The following ITSN2 variants were observed in gnomAD, a reference collection of about 807,000 sequenced individuals.
ITSN2 encodes intersectin-2.
ITSN2 carries 156 observed loss-of-function variants against 243.7 expected under a neutral mutation model. The observed-to-expected ratio is 0.64, with a 90% CI of 0.56 to 0.73. ITSN2 has a LOEUF of 0.73. Ranked by LOEUF, ITSN2 falls within the 30% of genes least tolerant of loss-of-function variation. The pLI, the probability that ITSN2 is intolerant of heterozygous loss-of-function variation, is 0.00. For missense variants in ITSN2, 1,801 were observed against 1,996.1 expected (o/e 0.90, Z 1.86); for synonymous variants, 703 against 699.9 (o/e 1.00, Z -0.07).
chr2:24,261,061 A>G, intron 22 of ITSN2, 45 bp downstream of exon 22: 2 of 1,556,840 alleles, frequency 1.3e-6, no homozygotes, highest in Non-Finnish European at 1.8e-6. Flanking sequence ...TTTAATCAGG[A>G]GCAAATTCAA....
Position 24,303,828 on chromosome 2 carries a change from A to G in ITSN2, c.828T>C (p.Asn276=). 6.2e-7 allele frequency: 1 copy of G among 1,610,914 alleles called. No individual in the cohort carries two copies. Among genetic ancestry groups the G allele is most frequent in the Non-Finnish European group, 8.5e-7 (1 of 1,177,052 alleles). Reference sequence around the variant, plus strand: ...TAGTAGCCAGCTGAGTTTGAGAAAGATTTGACTGAAGAAGGGCATTTCTAG... The same window carrying G: ...TAGTAGCCAGCTGAGTTTGAGAAAGGTTTGACTGAAGAAGGGCATTTCTAG... The part of the protein sequence containing the change: ...FQARNALLQS[N]LSQTQLATIW... Residue 276 remains asparagine (N), a synonymous_variant, in exon 9 of 40, where the codon AAT becomes AAC. Transcript: ENST00000355123.
chr2:24,283,218 A>ATT (rs1574140820), intron 17 of ITSN2, among the ~76,000 whole-genome samples: 1 of 150,782 alleles, frequency 6.6e-6, no homozygotes, highest in Non-Finnish European at 1.5e-5. Context: ...TTCAATGGAT[A>ATT]TTTTTCTTTT....
intron 22 of ITSN2, among the ~76,000 whole-genome samples, chr2:24,260,029 T>C (rs978309493): frequency 6.6e-6 from 1 of 152,126 alleles, no homozygotes; most frequent in African/African-American, 2.4e-5. Flanking sequence ...AAAGTGATCC[T>C]CCCACCTCAA....
chr2:24,306,582 T>C (rs1397467604), intron 8 of ITSN2, among the ~76,000 whole-genome samples: 1 of 152,230 alleles, frequency 6.6e-6, no homozygotes, highest in African/African-American at 2.4e-5. Flanking sequence ...AAATATACTG[T>C]CATTTATCTA....
intron 23 of ITSN2, among the ~76,000 whole-genome samples, chr2:24,254,751 A>G (rs754651836): frequency 6.6e-6 from 1 of 152,236 alleles, no homozygotes; most frequent in Non-Finnish European, 1.5e-5. Context: ...GTAAGCACAT[A>G]TAGGGCTTAG....
In ITSN2 at chr2:24,325,246, C is replaced by CA. The variant is rs566084583; in HGVS notation, c.31+2805dup. ...CAAGATAGTGAGACCCCCATGTCTA[C>CA]AAAAAATCTAAAAATTAGCTGGGTG... is the stretch of plus-strand genomic sequence containing the variant. On this transcript the variant is annotated intron_variant, in intron 2 of 39. Coordinates refer to ENST00000355123, the MANE Select transcript of ITSN2 (RefSeq NM_006277.3). Among the ~76,000 whole-genome samples, 93 of 151,872 alleles carry CA rather than the reference C, an allele frequency of 6.1e-4. 2 individuals are homozygous for CA. In the East Asian group the frequency reaches 0.016, roughly 27 times the overall value.
At chr2:24,206,644 C>G (rs12472142) in intron 37 of ITSN2, among the ~76,000 whole-genome samples, 86,665 of 151,816 alleles carry the variant, frequency 0.57, 25,015 homozygotes, top group Admixed American at 0.68. Flanking sequence ...GCCATGAACA[C>G]AGAGGACATC....
Position 24,203,792 on chromosome 2 carries a change from T to A in ITSN2, c.4937-9A>T, listed in dbSNP as rs1200819620. 1 of 1,611,906 alleles carries A rather than the reference T, an allele frequency of 6.2e-7. No homozygotes were observed. ...AGTACGACCCAGGAAATCTGGTGAA[T>A]AAACACAGGAGAGTCAGAAGTCTTT... is the stretch of plus-strand genomic sequence containing the variant. On this transcript the variant is annotated splice_polypyrimidine_tract_variant and intron_variant, in intron 39 of 39. Coordinates refer to ENST00000355123, the MANE Select transcript of ITSN2 (RefSeq NM_006277.3).
intron 23 of ITSN2, among the ~76,000 whole-genome samples, chr2:24,257,338 G>C (rs1025505852): frequency 6.6e-6 from 1 of 151,874 alleles, no homozygotes; most frequent in African/African-American, 2.4e-5. Flanking sequence ...AAAAGCAACA[G>C]ATCTATAATT....
At chr2:24,261,505 T>C (rs1413931756) in intron 21 of ITSN2, 56 bp downstream of exon 21, 12 of 1,311,270 alleles carry the variant, frequency 9.2e-6, no homozygotes, top group South Asian at 2.5e-5. Context: ...CATTATATAT[T>C]AGGTATTTAC....
At chr2:24,267,625 G>A (rs2151435302) in intron 20 of ITSN2, among the ~76,000 whole-genome samples, 1 of 152,282 alleles carries the variant, frequency 6.6e-6, no homozygotes, top group Admixed American at 6.5e-5. Context: ...TGCAATCACA[G>A]CTCACTGTAG....
At chr2:24,235,337 G>A (rs1257385822) in intron 29 of ITSN2, among the ~76,000 whole-genome samples, 4 of 152,224 alleles carry the variant, frequency 2.6e-5, no homozygotes, top group African/African-American at 4.8e-5. Context: ...GAGGGAGGGA[G>A]AGCTGAACAG....
At chr2:24,229,752 C>A (rs1473448200) in intron 29 of ITSN2, among the ~76,000 whole-genome samples, 2 of 152,180 alleles carry the variant, frequency 1.3e-5, no homozygotes, top group Admixed American at 6.5e-5. Flanking sequence ...CCCCAGGTAG[C>A]CTCCTCCGTT....
intron 37 of ITSN2, chr2:24,206,229 C>A: frequency 2.5e-6 from 1 of 401,288 alleles, no homozygotes; most frequent in Non-Finnish European, 5.0e-6. Flanking sequence ...TTAGCAAAAG[C>A]TGTTTTAAAC....
At chr2:24,257,795 T>C in intron 23 of ITSN2, 93 bp downstream of exon 23, 1 of 1,000,188 alleles carries the variant, frequency 1.0e-6, no homozygotes, top group African/African-American at 1.6e-5. Flanking sequence ...AGTATAAAAT[T>C]GTTATTTTAT....
intron 2 of ITSN2, among the ~76,000 whole-genome samples, chr2:24,319,353 CT>C (rs542914337): frequency 4.2e-4 from 64 of 152,262 alleles, no homozygotes; most frequent in African/African-American, 1.5e-3. Context: ...GATATTTTCT[CT>C]TGTAGAACTG....
At chr2:24,341,318 A>G (rs1687024567) in intron 1 of ITSN2, among the ~76,000 whole-genome samples, 1 of 152,194 alleles carries the variant, frequency 6.6e-6, no homozygotes, top group Non-Finnish European at 1.5e-5. Flanking sequence ...CGTAGTCATT[A>G]GGGATTGGGA....
intron 2 of ITSN2, among the ~76,000 whole-genome samples, chr2:24,320,525 CAAAAAAAAAAAAAAAAAAAAAAAAAA>C (rs113637557): frequency 2.4e-5 from 1 of 41,524 alleles, no homozygotes; most frequent in Admixed American, 3.7e-4. Context: ...GACTCCGTCT[CAAAAAAAAAAAAAAAAAAAAAAAAAA>C]AAAAAAAAAA....
At chr2:24,210,133 T>C (rs1669322383) in intron 34 of ITSN2, 100 bp from the exon 35 acceptor site, 2 of 783,168 alleles carry the variant, frequency 2.6e-6, no homozygotes, top group Admixed American at 4.8e-5. Flanking sequence ...GTGGTGGAGT[T>C]TTCTAGGTGG....
Sources: allele counts gnomAD v4.1 joint callset (sites outside exome capture counted in the v4.1 genomes callset), GRCh38; gene constraint gnomAD v4.1.1; transcripts MANE v1.5; gene names NCBI Gene and HGNC (gene_info 2026-07-23, HGNC 2026-07-21).